Variants in BMPER observed in about 807,000 individuals in gnomAD.
BMPER encodes the protein BMP-binding endothelial regulator protein.
In BMPER, 45 loss-of-function variants were observed where a neutral mutation model predicts 87.3. The ratio of observed to expected loss-of-function variants is 0.52; its 90% confidence interval spans 0.41 to 0.66. The LOEUF is 0.66. Ranked by LOEUF, BMPER falls within the 30% of genes least tolerant of loss-of-function variation. The pLI, the probability that BMPER is intolerant of heterozygous loss-of-function variation, is 0.00. For synonymous variants in BMPER, 326 were observed against 316.2 expected (o/e 1.03, Z -0.33); for missense variants, 784 against 867.5 (o/e 0.90, Z 1.21).
At chr7:34,012,038 TA>T (rs1205251197) in intron 6 of BMPER, among the ~76,000 whole-genome samples, 1 of 151,862 alleles carries the variant, frequency 6.6e-6, no homozygotes, top group Non-Finnish European at 1.5e-5. Flanking sequence ...TGCAAATTAT[TA>T]AGATAAAATT....
chr7:34,070,207 T>G (rs192338653), intron 11 of BMPER, among the ~76,000 whole-genome samples: 1 of 152,286 alleles, frequency 6.6e-6, no homozygotes, highest in Admixed American at 6.5e-5. Context: ...GCATTTGAAT[T>G]TTGTTAATAG....
At chr7:33,988,147 T>C (rs956058320) in intron 6 of BMPER, among the ~76,000 whole-genome samples, 1 of 152,220 alleles carries the variant, frequency 6.6e-6, no homozygotes, top group Non-Finnish European at 1.5e-5. Flanking sequence ...AACAAGTGTT[T>C]AGTGTCCTTT....
chr7:33,935,638 C>G (rs1257162272), intron 2 of BMPER, among the ~76,000 whole-genome samples: 2 of 150,700 alleles, frequency 1.3e-5, no homozygotes, highest in African/African-American at 4.9e-5. Context: ...GAGAGAGAGA[C>G]TGGATGACTC....
chr7:34,143,359 A>C lies in BMPER; in HGVS notation c.1875A>C (p.Ala625=). Residue 625 remains alanine (A), a splice_region_variant and synonymous_variant, in exon 14 of 15, where the codon GCA becomes GCC. Coordinates refer to ENST00000649409, the MANE Select transcript of BMPER (RefSeq NM_001365308.1). ...ACTGGGAGCCTCAGCAGAATTGTGC[A>C]GGTAAGAAAGTCCTGCTGGATCTAC... The part of the protein sequence containing the change: ...KVHWEPQQNC[A]ATQCKHGAVY... 3 of 1,613,896 alleles carry C rather than the reference A, an allele frequency of 1.9e-6. No individual in the cohort carries two copies. Among genetic ancestry groups the C allele is most frequent in the Non-Finnish European group, 1.7e-6 (2 of 1,179,872 alleles).
chr7:34,066,622 G>A lies in BMPER; in HGVS notation c.1078+4575G>A, dbSNP rs369057339. Among the ~76,000 whole-genome samples, 10 of 152,320 alleles carry A rather than the reference G, an allele frequency of 6.6e-5. 1 individual carries two copies. The highest frequency in any genetic ancestry group is 2.6e-4 in the Admixed American group (4 of 15,304). ...CAGGGAGGCCACTTGCCTGTTTTGT[G>A]TGTAGCATTTTGTTTATGCAAAATG... is the stretch of plus-strand genomic sequence containing the variant. On this transcript the variant is annotated intron_variant, in intron 11 of 14. Coordinates refer to ENST00000649409, the MANE Select transcript of BMPER (RefSeq NM_001365308.1).
chr7:34,095,585 G>A (rs1443177636), intron 13 of BMPER, among the ~76,000 whole-genome samples: 1 of 152,156 alleles, frequency 6.6e-6, no homozygotes. Context: ...ATGAAATATT[G>A]AAAGATTCTG....
At chr7:34,059,355 T>A (rs1479970108) in intron 10 of BMPER, among the ~76,000 whole-genome samples, 1 of 152,038 alleles carries the variant, frequency 6.6e-6, no homozygotes, top group African/African-American at 2.4e-5. Context: ...CTGCCACTTG[T>A]AGCTGGATTG....
At chr7:34,096,141 T>A (rs757126763) in intron 13 of BMPER, among the ~76,000 whole-genome samples, 1 of 152,146 alleles carries the variant, frequency 6.6e-6, no homozygotes. Context: ...TCCACCTGGG[T>A]GCCAGAACTC....
At chr7:33,997,539 C>T (rs914093392) in intron 6 of BMPER, among the ~76,000 whole-genome samples, 4 of 152,210 alleles carry the variant, frequency 2.6e-5, no homozygotes, top group Admixed American at 1.3e-4. Context: ...GCTTCTCCTT[C>T]ATCTTCTGCC....
chr7:34,110,695 A>G (rs140064785), intron 13 of BMPER, among the ~76,000 whole-genome samples: 1 of 152,328 alleles, frequency 6.6e-6, no homozygotes, highest in Non-Finnish European at 1.5e-5. Context: ...AGGGTTTTCT[A>G]TGGAAGCCAA....
intron 10 of BMPER, among the ~76,000 whole-genome samples, chr7:34,058,970 C>T (rs552619982): frequency 2.3e-3 from 332 of 146,836 alleles, no homozygotes; most frequent in Non-Finnish European, 3.7e-3. Flanking sequence ...CCAAATGAGG[C>T]ACAAAAAACA....
chr7:33,937,530 G>GTGTGTGTATGTGTGTGTT, intron 3 of BMPER, 142 bp downstream of exon 3: 2 of 754,918 alleles, frequency 2.6e-6, no homozygotes, highest in Admixed American at 2.0e-5. Context: ...GTGTGTGTGT[G>GTGTGTGTATGTGTGTGTT]TGTGTGTATG....
intron 13 of BMPER, among the ~76,000 whole-genome samples, chr7:34,088,402 T>C (rs1482130012): frequency 6.6e-6 from 1 of 152,140 alleles, no homozygotes; most frequent in Non-Finnish European, 1.5e-5. Context: ...TTCTCCCCCT[T>C]ATTTCCAAGT....
intron 3 of BMPER, among the ~76,000 whole-genome samples, chr7:33,956,255 AT>A (rs1272528398): frequency 6.6e-6 from 1 of 152,180 alleles, no homozygotes; most frequent in Non-Finnish European, 1.5e-5. Flanking sequence ...TATAACAATC[AT>A]TTGTTCTATG....
intron 13 of BMPER, among the ~76,000 whole-genome samples, chr7:34,118,882 G>A (rs189574073): frequency 5.7e-4 from 86 of 152,098 alleles, no homozygotes; most frequent in Non-Finnish European, 9.4e-4. Flanking sequence ...GAAATGCAGC[G>A]TCACCTCTTG....
intron 11 of BMPER, among the ~76,000 whole-genome samples, chr7:34,077,324 G>A (rs1788890969): frequency 6.6e-6 from 1 of 152,162 alleles, no homozygotes; most frequent in Non-Finnish European, 1.5e-5. Context: ...AGGGTGAAAT[G>A]TGAAGCAACA....
intron 6 of BMPER, among the ~76,000 whole-genome samples, chr7:33,983,032 G>A (rs1029236311): frequency 6.6e-6 from 1 of 152,146 alleles, no homozygotes; most frequent in Admixed American, 6.5e-5. Context: ...ATCTTGAAAT[G>A]TTCATGAGCA....
intron 11 of BMPER, chr7:34,067,450 T>G (rs1490461966): frequency 6.6e-6 from 1 of 152,214 alleles, no homozygotes; most frequent in Non-Finnish European, 1.5e-5. Flanking sequence ...AAATCTCCAC[T>G]GACAGAGGTT....
chr7:33,960,444 A>G (rs993749729), intron 3 of BMPER, among the ~76,000 whole-genome samples: 1 of 152,188 alleles, frequency 6.6e-6, no homozygotes. Flanking sequence ...GGGCTTATTG[A>G]CCAAGTCCAG....
Sources: allele counts gnomAD v4.1 joint callset (sites outside exome capture counted in the v4.1 genomes callset), GRCh38; gene constraint gnomAD v4.1.1; transcripts MANE v1.5; gene names NCBI Gene and HGNC (gene_info 2026-07-23, HGNC 2026-07-21).